Variants in CHSY3 observed in about 807,000 individuals in gnomAD.
CHSY3 encodes chondroitin sulfate synthase 3.
A neutral mutation model predicts 67.2 loss-of-function variants in CHSY3; 35 were observed. The observed-to-expected ratio is 0.52, with a 90% CI of 0.40 to 0.69. CHSY3 has a LOEUF of 0.69. Among genes scored for constraint, CHSY3 ranks in the 30% least tolerant of loss-of-function variants. The pLI is 0.00. For synonymous variants in CHSY3, 474 were observed against 434.7 expected, an observed-to-expected ratio of 1.09 and a Z score of -1.12; for missense variants, 1,069 against 1,138.5, an observed-to-expected ratio of 0.94 and a Z score of 0.88.
At chr5:130,144,317 G>C (rs897986163) in intron 2 of CHSY3, among the ~76,000 whole-genome samples, 1 of 151,950 alleles carries the variant, frequency 6.6e-6, no homozygotes, top group African/African-American at 2.4e-5. Flanking sequence ...CAAATATATG[G>C]TTATTTGCTG....
chr5:129,936,276 A>G (rs1382199496), intron 2 of CHSY3, among the ~76,000 whole-genome samples: 1 of 152,224 alleles, frequency 6.6e-6, no homozygotes, highest in Non-Finnish European at 1.5e-5. Context: ...CTTGGTTGAA[A>G]GCAAAAGGAA....
intron 2 of CHSY3, among the ~76,000 whole-genome samples, chr5:129,935,554 C>T (rs1266023289): frequency 1.3e-5 from 2 of 152,136 alleles, no homozygotes; most frequent in South Asian, 2.1e-4. Flanking sequence ...ACAGGGATAA[C>T]AAATAGTTGC....
At chr5:130,069,931 T>C (rs1766005724) in intron 2 of CHSY3, among the ~76,000 whole-genome samples, 2 of 152,126 alleles carry the variant, frequency 1.3e-5, no homozygotes, top group Admixed American at 6.6e-5. Flanking sequence ...GGTACTTTAT[T>C]ACCATTTCTA....
intron 2 of CHSY3, among the ~76,000 whole-genome samples, chr5:129,970,916 T>G (rs553159370): frequency 6.6e-6 from 1 of 151,872 alleles, no homozygotes; most frequent in Non-Finnish European, 1.5e-5. Context: ...TAAATATCAA[T>G]GTAAATGTCT....
rs1407569445 is a variant in CHSY3, at chr5:129,905,508, C to G, written c.679C>G (p.Pro227Ala). The G allele has an allele frequency of 4.3e-6, 7 of 1,613,296 alleles. No homozygotes were observed. The highest frequency in any genetic ancestry group is 5.1e-6 in the Non-Finnish European group (6 of 1,180,020). Residue 227 changes from proline to alanine, a missense_variant, in exon 1 of 3, where the codon CCG becomes GCG. Transcript: ENST00000305031. ...GCCACCCCTGCCTGTCATCGCGCTA[C>G]CGGGTGTGGACGACTCCTATCCTCC... ...PPPPLPVIAL[P>A]GVDDSYPPQK... is the part of the protein sequence containing the mutation.
At chr5:129,987,541 T>C (rs1763241485) in intron 2 of CHSY3, among the ~76,000 whole-genome samples, 2 of 152,178 alleles carry the variant, frequency 1.3e-5, no homozygotes, top group Admixed American at 1.3e-4. Context: ...ATTTCTAGCA[T>C]AGATGTAAAT....
At chr5:130,072,758 C>T (rs1014118118) in intron 2 of CHSY3, among the ~76,000 whole-genome samples, 1 of 152,010 alleles carries the variant, frequency 6.6e-6, no homozygotes, top group Admixed American at 6.6e-5. Flanking sequence ...GTGGTGTGGA[C>T]ATAGTAACAA....
chr5:130,087,628 G>A (rs1372330880), intron 2 of CHSY3, among the ~76,000 whole-genome samples: 1 of 151,912 alleles, frequency 6.6e-6, no homozygotes, highest in Non-Finnish European at 1.5e-5. Flanking sequence ...TTGCTTCAAA[G>A]AGAATAAAAT....
At chr5:129,982,855 G>C (rs1014208388) in intron 2 of CHSY3, among the ~76,000 whole-genome samples, 1 of 152,166 alleles carries the variant, frequency 6.6e-6, no homozygotes, top group African/African-American at 2.4e-5. Flanking sequence ...TAGAAAGGGA[G>C]AGTGATAGCT....
intron 2 of CHSY3, among the ~76,000 whole-genome samples, chr5:130,040,108 C>T (rs544413315): frequency 1.3e-5 from 2 of 152,224 alleles, no homozygotes; most frequent in East Asian, 3.9e-4. Context: ...CACAGTATTA[C>T]TATTGCTAAG....
chr5:129,927,401 T>C (rs2436452), intron 2 of CHSY3, among the ~76,000 whole-genome samples: 141,216 of 152,058 alleles, frequency 0.93, 65,643 homozygotes, highest in East Asian at 1. Flanking sequence ...GTTTGGGACA[T>C]TGTGTTTGTA....
At chr5:130,084,623 A>T (rs1244464746) in intron 2 of CHSY3, among the ~76,000 whole-genome samples, 1 of 151,556 alleles carries the variant, frequency 6.6e-6, no homozygotes, top group African/African-American at 2.4e-5. Flanking sequence ...TTAATAAGAC[A>T]TCAAAAGAAT....
chr5:130,002,424 T>A (rs958185653), intron 2 of CHSY3, among the ~76,000 whole-genome samples: 3 of 152,186 alleles, frequency 2.0e-5, no homozygotes, highest in Admixed American at 1.3e-4. Flanking sequence ...CTTGGAGGCC[T>A]TATAATCCAT....
intron 2 of CHSY3, among the ~76,000 whole-genome samples, chr5:129,999,717 C>T (rs1478351938): frequency 6.6e-6 from 1 of 151,942 alleles, no homozygotes. Context: ...GAATTTATTC[C>T]TCTAGTTTGA....
intron 2 of CHSY3, among the ~76,000 whole-genome samples, chr5:129,927,219 G>A (rs1761146481): frequency 1.3e-5 from 2 of 151,656 alleles, no homozygotes; most frequent in Admixed American, 1.3e-4. Context: ...ATATTGTTCA[G>A]TGCTATCAGC....
chr5:130,180,998 C>T (rs1018708823), intron 2 of CHSY3, among the ~76,000 whole-genome samples: 1 of 151,980 alleles, frequency 6.6e-6, no homozygotes, highest in Non-Finnish European at 1.5e-5. Context: ...ATAAAACTAC[C>T]TCTTGGCATT....
intron 2 of CHSY3, among the ~76,000 whole-genome samples, chr5:129,985,378 T>A (rs1763161728): frequency 6.6e-6 from 1 of 152,166 alleles, no homozygotes; most frequent in South Asian, 2.1e-4. Flanking sequence ...GTTCTTTTGG[T>A]CTGTGTGTCT....
At chr5:129,932,263 T>C (rs1303052239) in intron 2 of CHSY3, among the ~76,000 whole-genome samples, 4 of 151,510 alleles carry the variant, frequency 2.6e-5, no homozygotes, top group Non-Finnish European at 2.9e-5. Flanking sequence ...AGATGGGAAA[T>C]TCTAGCAGGA....
chr5:130,025,003 T>G (rs1764499532), intron 2 of CHSY3, among the ~76,000 whole-genome samples: 1 of 152,162 alleles, frequency 6.6e-6, no homozygotes, highest in African/African-American at 2.4e-5. Flanking sequence ...TGATGAGTGA[T>G]TGATTTATGG....
Sources: gnomAD v4.1 joint callset for allele counts (sites outside exome capture counted in the v4.1 genomes callset) on GRCh38, gnomAD v4.1.1 for gene constraint, MANE v1.5 for transcripts, NCBI Gene and HGNC (gene_info 2026-07-23, HGNC 2026-07-21) for gene names.